The following AP1B1 variants were observed in gnomAD, a reference collection of about 807,000 sequenced individuals.
AP1B1 encodes the protein adaptor related protein complex 1 subunit beta 1, also known as AP-1 complex subunit beta-1.
Under a neutral mutation model 104.3 loss-of-function variants are expected in AP1B1, and 36 were observed. The ratio of observed to expected loss-of-function variants is 0.35; its 90% CI spans 0.26 to 0.46. The LOEUF (loss-of-function observed/expected upper bound fraction) is 0.46. Among genes scored for constraint, AP1B1 ranks in the 20% least tolerant of loss-of-function variants. The pLI, the probability that AP1B1 is intolerant of heterozygous loss-of-function variation, is 1.00. For missense variants in AP1B1, 901 were observed against 1,247.9 expected, an observed-to-expected ratio of 0.72 and a Z score of 4.19; for synonymous variants, 504 against 517.5, an observed-to-expected ratio of 0.97 and a Z score of 0.35.
At chr22:29,329,144 G>C in intron 22 of AP1B1, 1 of 1,322,064 alleles carries the variant, frequency 7.6e-7, no homozygotes, top group East Asian at 3.3e-5. Context: ...CCCTGCTGGC[G>C]AGCAGTGTGA....
intron 1 of AP1B1, chr22:29,370,767 G>A (rs551489688): frequency 1.3e-5 from 2 of 152,316 alleles, no homozygotes; most frequent in South Asian, 4.2e-4. Flanking sequence ...CACAGCTGCA[G>A]GGTAGCTGGT....
rs1602680439 is a variant in AP1B1, at chr22:29,330,848, C to A, written c.2525-139G>T. 44 of 717,014 alleles carry A rather than the reference C, an allele frequency of 6.1e-5. 1 individual carries two copies. In the South Asian group the frequency reaches 6.7e-4, roughly 11 times the overall value. The allele number at this position is 717,014 out of a possible 1,614,324, so 44.4% of individuals were successfully genotyped here. On this transcript the variant is annotated intron_variant, in intron 19 of 22. Coordinates refer to ENST00000357586, the MANE Select transcript of AP1B1 (RefSeq NM_001127.4). ...CAGGCACTAGCTGCCGCACAGCCCT[C>A]CTGCTTCCCTAAGCACACCCTCCGC...
Position 29,376,291 on chromosome 22 carries a change from A to G in AP1B1, c.-27-9021T>C, listed in dbSNP as rs552646955. ...GCAATGATTCATGTCAGAGCAGCCC[A>G]TGCTCTTCAATCAGATGAGAAGTGT... On this transcript the variant is annotated intron_variant, in intron 1 of 22. Transcript: ENST00000357586. Among the ~76,000 whole-genome samples, 6 of 152,348 alleles carry G rather than the reference A, an allele frequency of 3.9e-5. No individual in the cohort carries two copies. The South Asian group carries it at 1.2e-3, about 32-fold the overall frequency.
At chr22:29,344,299 C>T (rs2061756725) in intron 11 of AP1B1, among the ~76,000 whole-genome samples, 1 of 151,972 alleles carries the variant, frequency 6.6e-6, no homozygotes, top group Non-Finnish European at 1.5e-5. Flanking sequence ...TCAGGTATGC[C>T]TCAGGCTGTA....
chr22:29,332,783 G>C (rs1420705137), intron 17 of AP1B1, among the ~76,000 whole-genome samples: 1 of 152,222 alleles, frequency 6.6e-6, no homozygotes, highest in Non-Finnish European at 1.5e-5. Flanking sequence ...CTGGGACACA[G>C]AGGGAGACCA....
At chr22:29,342,237 C>A (rs760203958) in intron 12 of AP1B1, 48 bp downstream of exon 12, 1 of 1,500,524 alleles carries the variant, frequency 6.7e-7, no homozygotes, top group Admixed American at 1.7e-5. Flanking sequence ...AGTTCCCCTG[C>A]TTGAGTGAGG....
rs145377733 is a variant in AP1B1 at position 29,337,313 on chromosome 22, G to A, written c.2163+1677C>T. Among the ~76,000 whole-genome samples the A allele has an allele frequency of 2.4e-3, 373 of 152,322 alleles. 1 individual carries two copies. Among genetic ancestry groups the A allele is most frequent in the Non-Finnish European group, 4.1e-3 (279 of 68,026 alleles). On this transcript the variant is annotated intron_variant, in intron 16 of 22. Coordinates refer to ENST00000357586, the MANE Select transcript of AP1B1 (RefSeq NM_001127.4). Reference sequence around the variant, plus strand: ...GCTGCTGGGAGGAGGACGTGCTGGCGGTGGCTGTGGAATGCTGTGCTGTCC... The same window carrying A: ...GCTGCTGGGAGGAGGACGTGCTGGCAGTGGCTGTGGAATGCTGTGCTGTCC...
intron 8 of AP1B1, 65 bp downstream of exon 8, chr22:29,351,640 A>G: frequency 6.3e-7 from 1 of 1,589,030 alleles, no homozygotes; most frequent in Non-Finnish European, 8.6e-7. Flanking sequence ...GCCAGAGCCT[A>G]CAGTCTGGTG....
At chr22:29,338,600 G>C (rs1472277829) in intron 16 of AP1B1, among the ~76,000 whole-genome samples, 1 of 152,212 alleles carries the variant, frequency 6.6e-6, no homozygotes, top group Admixed American at 6.5e-5. Flanking sequence ...GGAGAGGAAT[G>C]GTGACAATGT....
chr22:29,331,876 G>A lies in AP1B1; in HGVS notation c.2350C>T (p.Pro784Ser). The change falls in exon 18 of 23, where the codon CCA becomes TCA. Residue 784 changes from proline to serine, a missense_variant. Coordinates refer to ENST00000357586, the MANE Select transcript of AP1B1 (RefSeq NM_001127.4). ...TCCACTGTCTGGTTGGGGCTGAGTG[G>A]CGCGTGGACCTGGAGGGGGGCGGCG... Reference protein sequence around the residue: ...APAAPLQVHAPLSPNQTVEIS... With the variant: ...APAAPLQVHASLSPNQTVEIS... 1 of 1,613,226 alleles carries A rather than the reference G, an allele frequency of 6.2e-7. No homozygotes were observed. Among genetic ancestry groups the A allele is most frequent in the Non-Finnish European group, 8.5e-7 (1 of 1,179,454 alleles).
At chr22:29,337,587 T>C (rs987863576) in intron 16 of AP1B1, among the ~76,000 whole-genome samples, 2 of 152,196 alleles carry the variant, frequency 1.3e-5, no homozygotes, top group African/African-American at 4.8e-5. Context: ...AGGGGAGCTC[T>C]GGCAAACACA....
chr22:29,350,228 C>T, intron 9 of AP1B1, 78 bp from the exon 10 acceptor site: 1 of 1,094,522 alleles, frequency 9.1e-7, no homozygotes, highest in South Asian at 1.3e-5. Context: ...ACGCCTCGGC[C>T]AAGGGCTGCA....
chr22:29,358,050 T>G (rs1041780468), intron 5 of AP1B1, among the ~76,000 whole-genome samples: 2 of 152,202 alleles, frequency 1.3e-5, no homozygotes, highest in Admixed American at 6.5e-5. Flanking sequence ...CATCCAGTGC[T>G]CCAGTACCCA....
intron 11 of AP1B1, among the ~76,000 whole-genome samples, chr22:29,346,727 C>A (rs1435669334): frequency 2.0e-5 from 3 of 151,742 alleles, no homozygotes; most frequent in African/African-American, 7.3e-5. Flanking sequence ...CATAGGCAAG[C>A]TTTGCTTCTG....
chr22:29,382,245 C>A (rs2062448027), intron 1 of AP1B1, among the ~76,000 whole-genome samples: 1 of 152,060 alleles, frequency 6.6e-6, no homozygotes, highest in South Asian at 2.1e-4. Context: ...TGGAGTCTCG[C>A]TAAATTATCC....
At chr22:29,340,510 C>G (rs1370655329) in intron 14 of AP1B1, 146 bp downstream of exon 14, 5 of 895,238 alleles carry the variant, frequency 5.6e-6, no homozygotes, top group Non-Finnish European at 8.1e-6. Flanking sequence ...AAGTAGGGAG[C>G]TACACAATCA....
At chr22:29,362,351 CTT>C (rs889164304) in intron 3 of AP1B1, among the ~76,000 whole-genome samples, 4 of 145,890 alleles carry the variant, frequency 2.7e-5, no homozygotes, top group East Asian at 2.0e-4. Context: ...TCCCATTCTT[CTT>C]TTTTTTTTTT....
chr22:29,376,119 AG>A, intron 1 of AP1B1, among the ~76,000 whole-genome samples: 1 of 152,252 alleles, frequency 6.6e-6, no homozygotes. Flanking sequence ...AGGGAAAAAA[AG>A]AGAACAAATT....
chr22:29,372,035 T>C (rs2062247843), intron 1 of AP1B1, among the ~76,000 whole-genome samples: 1 of 152,208 alleles, frequency 6.6e-6, no homozygotes, highest in African/African-American at 2.4e-5. Context: ...CCTCTCTTAA[T>C]CTTAATATTT....
Sources: allele counts gnomAD v4.1 joint callset (sites outside exome capture counted in the v4.1 genomes callset), GRCh38; gene constraint gnomAD v4.1.1; transcripts MANE v1.5; gene names NCBI Gene and HGNC (gene_info 2026-07-23, HGNC 2026-07-21).